Variants in FAM8A1 observed in about 807,000 individuals in gnomAD.
FAM8A1 encodes family with sequence similarity 8 member A1.
Under a neutral mutation model 38.3 loss-of-function variants are expected in FAM8A1, and 18 were observed. The observed-to-expected ratio is 0.47, with a 90% confidence interval of 0.33 to 0.70. The LOEUF is 0.70. FAM8A1 is among the 30% of genes least tolerant of loss of function. The pLI, the probability that FAM8A1 is intolerant of heterozygous loss-of-function variation, is 0.03. For synonymous variants in FAM8A1, 246 were observed against 234.4 expected (o/e 1.05, Z -0.45); for missense variants, 559 against 559.6 (o/e 1.00, Z 0.01).
rs1168199668 is a variant in FAM8A1 at position 17,609,060 on chromosome 6, T to A, written c.*721T>A. 6.6e-6 allele frequency: 1 copy of A among 152,026 alleles called. No individual in the cohort carries two copies. The highest frequency in any genetic ancestry group is 1.5e-5 in the Non-Finnish European group (1 of 68,000). The allele number at this position is 152,026 out of a possible 1,614,324, so 9.4% of individuals were successfully genotyped here. On this transcript the variant is annotated 3_prime_UTR_variant, in exon 5 of 5. Coordinates refer to ENST00000259963, the MANE Select transcript of FAM8A1 (RefSeq NM_016255.3). ...TTAATTGGTTTTTTTTTTTAAAAGG[T>A]AAGTTAGTGATTACTGTTAATGGTG...
chr6:17,606,437 T>C (rs1309517654), intron 4 of FAM8A1, among the ~76,000 whole-genome samples: 4 of 152,142 alleles, frequency 2.6e-5, no homozygotes, highest in Non-Finnish European at 5.9e-5. Flanking sequence ...CCTGACCTCA[T>C]GATCCACCCG....
intron 1 of FAM8A1, among the ~76,000 whole-genome samples, 157 bp from the exon 2 acceptor site, chr6:17,602,430 ATTC>A (rs1763997023): frequency 6.6e-6 from 1 of 152,206 alleles, no homozygotes; most frequent in African/African-American, 2.4e-5. Context: ...AGTAACATGG[ATTC>A]TTGGTGGAAT....
In FAM8A1 at chr6:17,600,916, G is replaced by A. The variant is rs761667965; in HGVS notation, c.507G>A (p.Leu169=). 3 of 1,594,578 alleles carry A rather than the reference G, an allele frequency of 1.9e-6. No individual in the cohort carries two copies. The highest frequency in any genetic ancestry group is 1.7e-6 in the Non-Finnish European group (2 of 1,173,280). ...PQAAAPPPPQ[L]GYYNPFYFLS... The stretch of plus-strand genomic sequence containing the variant: ...CCGCGGCGCCGCCGCCCCCGCAGCT[G>A]GGCTATTACAACCCCTTCTACTTCC... Residue 169 remains leucine (L), a synonymous_variant, in exon 1 of 5, where the codon CTG becomes CTA. Transcript: ENST00000259963.
intron 1 of FAM8A1, among the ~76,000 whole-genome samples, chr6:17,601,643 T>A (rs1763987359): frequency 6.6e-6 from 1 of 152,232 alleles, no homozygotes; most frequent in Admixed American, 6.5e-5. Flanking sequence ...GTAATTGTTT[T>A]TGCTTCTGTG....
intron 4 of FAM8A1, among the ~76,000 whole-genome samples, chr6:17,607,908 C>T (rs763365470): frequency 6.6e-6 from 1 of 152,180 alleles, no homozygotes; most frequent in Non-Finnish European, 1.5e-5. Flanking sequence ...CTAGAAAGCT[C>T]TGTAAACCAT....
chr6:17,605,341 A>G (rs996843210), intron 3 of FAM8A1, among the ~76,000 whole-genome samples: 9 of 152,200 alleles, frequency 5.9e-5, no homozygotes, highest in African/African-American at 2.2e-4. Flanking sequence ...TGGCCTCCCA[A>G]AGTGCTGGGA....
intron 4 of FAM8A1, among the ~76,000 whole-genome samples, chr6:17,607,472 C>G (rs1205868003): frequency 9.0e-6 from 1 of 111,492 alleles, no homozygotes; most frequent in African/African-American, 3.5e-5. Context: ...TAGTCTCTAT[C>G]TATATACTAT....
intron 4 of FAM8A1, 59 bp from the exon 5 acceptor site, chr6:17,608,136 A>G (rs565144242): frequency 3.2e-6 from 5 of 1,564,474 alleles, no homozygotes; most frequent in Non-Finnish European, 4.4e-6. Flanking sequence ...ATGGGATACC[A>G]TTAATCTATA....
In FAM8A1 at chr6:17,605,042, CTT is replaced by C. The variant is rs1330866039; in HGVS notation, c.957+14_957+15del. On this transcript the variant is annotated intron_variant, in intron 3 of 4. Coordinates refer to ENST00000259963, the MANE Select transcript of FAM8A1 (RefSeq NM_016255.3). ...TTGTTTCTATGAGGTAAGCTACTGACTTCAGCAAGAATTAATATTTAACAATC... is the reference window on the plus strand; with the variant it reads ...TTGTTTCTATGAGGTAAGCTACTGACCAGCAAGAATTAATATTTAACAATC... The C allele has an allele frequency of 6.3e-7, 1 of 1,594,662 alleles. No individual in the cohort carries two copies. Among genetic ancestry groups the C allele is most frequent in the Non-Finnish European group, 8.5e-7 (1 of 1,171,204 alleles).
At position 17,604,402 on chromosome 6, in the gene FAM8A1, A is replaced by G. The variant is rs116047385; in HGVS notation, c.834-504A>G. On this transcript the variant is annotated intron_variant, in intron 2 of 4. Coordinates refer to ENST00000259963, the MANE Select transcript of FAM8A1 (RefSeq NM_016255.3). ...CCACACCAAACTGCTTACAGCTTCT[A>G]TCATATTCTCTCTTTCTCCAAGACA... Among the ~76,000 whole-genome samples the G allele has an allele frequency of 2.1e-3, 321 of 152,152 alleles. 1 individual carries two copies. The highest frequency in any genetic ancestry group is 7.1e-3 in the African/African-American group (294 of 41,508).
In FAM8A1 at chr6:17,608,369, TAAGACTA is replaced by T; in HGVS notation, c.*33_*39del. ...CCCCAAAACCCTGATTTCCACACAC[TAAGACTA>T]AATTATGTATCAAGGCCATCAGTAT... On this transcript the variant is annotated 3_prime_UTR_variant, in exon 5 of 5. Transcript: ENST00000259963. The T allele has an allele frequency of 6.4e-7, 1 of 1,571,902 alleles. No individual in the cohort carries two copies. The highest frequency in any genetic ancestry group is 8.6e-7 in the Non-Finnish European group (1 of 1,158,622).
chr6:17,603,815 G>A (rs1170093750), intron 2 of FAM8A1, among the ~76,000 whole-genome samples: 2 of 151,912 alleles, frequency 1.3e-5, no homozygotes, highest in African/African-American at 4.8e-5. Flanking sequence ...CAAACTCCTG[G>A]GCTCAAATGA....
At chr6:17,606,146 A>C in intron 4 of FAM8A1, 133 bp downstream of exon 4, 1 of 571,246 alleles carries the variant, frequency 1.8e-6, no homozygotes, top group Non-Finnish European at 2.7e-6. Flanking sequence ...TATTTATTTC[A>C]GTTGTGTTAC....
At chr6:17,604,549 G>A (rs1287170335) in intron 2 of FAM8A1, among the ~76,000 whole-genome samples, 8 of 152,086 alleles carry the variant, frequency 5.3e-5, no homozygotes, top group Non-Finnish European at 1.2e-4. Context: ...AAGGTTAAGT[G>A]TATCTGGTGT....
intron 2 of FAM8A1, among the ~76,000 whole-genome samples, chr6:17,604,505 C>T (rs562633346): frequency 3.1e-4 from 47 of 152,254 alleles, no homozygotes; most frequent in Admixed American, 1.5e-3. Context: ...TCCTTCAGAG[C>T]CTCATCTAAC....
Position 17,611,374 on chromosome 6 carries a change from T to C in FAM8A1, c.*3035T>C, listed in dbSNP as rs750738591. On this transcript the variant is annotated 3_prime_UTR_variant, in exon 5 of 5. Coordinates refer to ENST00000259963, the MANE Select transcript of FAM8A1 (RefSeq NM_016255.3). ...GGGCTTTTTGAGGGGGGTATGGATA[T>C]TAAATGTTTTCGTTATATACTTATC... 1 of 152,618 alleles carries C rather than the reference T, an allele frequency of 6.6e-6. No individual in the cohort carries two copies. The highest frequency in any genetic ancestry group is 2.4e-5 in the African/African-American group (1 of 41,448). The allele number at this position is 152,618 out of a possible 1,614,324, so 9.5% of individuals were successfully genotyped here.
In FAM8A1 at chr6:17,607,275, A is replaced by C. The variant is rs1462940989; in HGVS notation, c.1098-920A>C. On this transcript the variant is annotated intron_variant, in intron 4 of 4. Coordinates refer to ENST00000259963, the MANE Select transcript of FAM8A1 (RefSeq NM_016255.3). ...CTCCATCTCAAAAAAAAAAAAAAACAAAACAAAACTGGTAGTTATAAACCT... is the reference window on the plus strand; with the variant it reads ...CTCCATCTCAAAAAAAAAAAAAAACCAAACAAAACTGGTAGTTATAAACCT... 7.1e-4 allele frequency among the ~76,000 whole-genome samples: 39 copies of C among 55,132 alleles called. No homozygotes were observed. In the Admixed American group the frequency reaches 7.6e-3, roughly 11 times the overall value. The allele number at this position is 55,132 out of a possible 152,430, so 36.2% of individuals were successfully genotyped here. A position where few individuals can be genotyped will look rare whatever the true frequency, so the allele number is the denominator to read the frequency against.
chr6:17,606,145 C>A, intron 4 of FAM8A1, 132 bp downstream of exon 4: 1 of 553,386 alleles, frequency 1.8e-6, no homozygotes, highest in Non-Finnish European at 2.8e-6. Context: ...ATATTTATTT[C>A]AGTTGTGTTA....
Position 17,600,990 on chromosome 6 carries a change from G to T in FAM8A1, c.581G>T (p.Ser194Ile). The T allele has an allele frequency of 1.3e-6, 2 of 1,591,548 alleles. No individual in the cohort carries two copies. The highest frequency in any genetic ancestry group is 1.1e-5 in the South Asian group (1 of 88,828). ...GPDPRTAAGISTPAPVAGLGP... is the reference protein window; with the variant it reads ...GPDPRTAAGIITPAPVAGLGP... ...GACCCGCGGACAGCTGCCGGCATCA[G>T]CACCCCTGCTCCAGTCGCGGGCCTG... Residue 194 changes from serine to isoleucine, a missense_variant, in exon 1 of 5, where the codon AGC becomes ATC. By Grantham distance (142) the Ser-to-Ile change is moderately radical. Around this residue, in one of 2 missense-constraint regions of FAM8A1, gnomAD observed 393 missense variants for 338.9 expected, o/e 1.16. Coordinates refer to ENST00000259963, the MANE Select transcript of FAM8A1 (RefSeq NM_016255.3).
Sources: gnomAD v4.1 joint callset for allele counts (sites outside exome capture counted in the v4.1 genomes callset) on GRCh38, gnomAD v4.1.1 for gene constraint, gnomAD v4.1.1 regional missense constraint, MANE v1.5 for transcripts, NCBI Gene and HGNC (gene_info 2026-07-23, HGNC 2026-07-21) for gene names.